Variants in MMP8 observed in about 807,000 individuals in gnomAD.
MMP8 encodes neutrophil collagenase.
MMP8 carries 67 observed loss-of-function variants against 51.2 expected under a neutral mutation model. The ratio of observed to expected loss-of-function variants is 1.31; its 90% confidence interval spans 1.08 to 1.60. The LOEUF (loss-of-function observed/expected upper bound fraction) is 1.60, where lower values mean the gene tolerates loss of function less well. Ranked by LOEUF, MMP8 falls within the 40% of genes most tolerant of loss-of-function variation. MMP8 has a pLI of 0.00. For missense variants in MMP8, 654 were observed against 558.1 expected (o/e 1.17, Z -1.73); for synonymous variants, 225 against 191.0 (o/e 1.18, Z -1.47).
chr11:102,713,540 C>A, intron 9 of MMP8, 83 bp from the exon 10 acceptor site: 1 of 1,204,382 alleles, frequency 8.3e-7, no homozygotes, highest in Non-Finnish European at 1.2e-6. Flanking sequence ...GCCCCTGTTC[C>A]AACATAACAT....
chr11:102,717,692 G>A (rs1861339678), intron 5 of MMP8, among the ~76,000 whole-genome samples: 1 of 152,160 alleles, frequency 6.6e-6, no homozygotes. Flanking sequence ...CAAGACTGCA[G>A]TGAACATCTT....
intron 5 of MMP8, among the ~76,000 whole-genome samples, chr11:102,718,112 C>T (rs896609867): frequency 2.0e-5 from 3 of 148,406 alleles, no homozygotes; most frequent in East Asian, 2.0e-4. Context: ...ATCCCCCCCC[C>T]CAAAAAAAAT....
In MMP8 at chr11:102,714,729, A is replaced by C. The variant is rs758942281; in HGVS notation, c.1037-20T>G. The C allele has an allele frequency of 7.1e-7, 1 of 1,408,980 alleles. No homozygotes were observed. Among genetic ancestry groups the C allele is most frequent in the South Asian group, 1.7e-5 (1 of 59,964 alleles). The allele number at this position is 1,408,980 out of a possible 1,614,324, so 87.3% of individuals were successfully genotyped here. A position where few individuals can be genotyped will look rare whatever the true frequency, so the allele number is the denominator to read the frequency against. ...GGTTGCCTGTCAATGATTCAGGTTA[A>C]GTGTTAAATACGACTTTTCCATTTT... On this transcript the variant is annotated intron_variant, in intron 7 of 9. Transcript: ENST00000236826.
chr11:102,721,035 ACTCAGCTTG>A (rs1157299110), intron 4 of MMP8, among the ~76,000 whole-genome samples: 14 of 152,148 alleles, frequency 9.2e-5, no homozygotes, highest in African/African-American at 3.4e-4. Context: ...TGTTGCAATT[ACTCAGCTTG>A]CCATTGTAGA....
chr11:102,719,788 A>G (rs185017251), intron 4 of MMP8, among the ~76,000 whole-genome samples: 4 of 152,224 alleles, frequency 2.6e-5, no homozygotes, highest in African/African-American at 7.2e-5. Flanking sequence ...TCTCTGCTCT[A>G]CAGGGAGTGC....
intron 4 of MMP8, among the ~76,000 whole-genome samples, chr11:102,719,128 G>C (rs929721394): frequency 1.3e-5 from 2 of 152,210 alleles, no homozygotes; most frequent in African/African-American, 4.8e-5. Flanking sequence ...CTACTGGAGA[G>C]AGACAAATCC....
chr11:102,712,501 C>T lies in MMP8; in HGVS notation c.*847G>A, dbSNP rs1412005101. Reference sequence around the variant, plus strand: ...GTTTTGGAGGATAGAAGTCCGAATTCTGCAGGTGTCAGCAGGGTCACACTT... The same window carrying T: ...GTTTTGGAGGATAGAAGTCCGAATTTTGCAGGTGTCAGCAGGGTCACACTT... On this transcript the variant is annotated 3_prime_UTR_variant, in exon 10 of 10. Transcript: ENST00000236826. The T allele has an allele frequency of 6.6e-6, 1 of 152,224 alleles. No individual in the cohort carries two copies. The highest frequency in any genetic ancestry group is 1.5e-5 in the Non-Finnish European group (1 of 68,058). The allele number at this position is 152,224 out of a possible 1,614,324, so 9.4% of individuals were successfully genotyped here.
At chr11:102,721,149 C>T (rs34433762) in intron 4 of MMP8, among the ~76,000 whole-genome samples, 10,220 of 152,038 alleles carry the variant, frequency 0.067, 540 homozygotes, top group East Asian at 0.24. Context: ...AGGATTTGGC[C>T]GTAGTCTGTA....
rs1939018 is a variant in MMP8, at chr11:102,713,292, T to A, written c.*56A>T. On this transcript the variant is annotated 3_prime_UTR_variant, in exon 10 of 10. Transcript: ENST00000236826. The stretch of plus-strand genomic sequence containing the variant: ...GCAGGACACAATGTAACGAAAATGC[T>A]TGCTGAACTTCCCTTCAACATTCTG... 1,116,126 of 1,215,150 alleles carry A rather than the reference T, an allele frequency of 0.92. 513,053 individuals carry two copies. The highest frequency in any genetic ancestry group is 1 in the East Asian group (42,858 of 42,870). 75.3% of individuals were successfully genotyped at this position (1,215,150 alleles called of 1,614,324 possible). A position where few individuals can be genotyped will look rare whatever the true frequency, so the allele number is the denominator to read the frequency against.
intron 8 of MMP8, among the ~76,000 whole-genome samples, 197 bp downstream of exon 8, chr11:102,714,359 A>G (rs982996146): frequency 1.3e-5 from 2 of 152,182 alleles, no homozygotes; most frequent in Non-Finnish European, 2.9e-5. Context: ...ACTATTGCAT[A>G]GACATTTTAA....
intron 5 of MMP8, among the ~76,000 whole-genome samples, chr11:102,718,198 C>G (rs1861359109): frequency 6.6e-6 from 1 of 152,070 alleles, no homozygotes; most frequent in Non-Finnish European, 1.5e-5. Flanking sequence ...CTGGGAAGCA[C>G]TGTAGTGCAT....
Sources: gnomAD v4.1 joint callset for allele counts (sites outside exome capture counted in the v4.1 genomes callset) on GRCh38, gnomAD v4.1.1 for gene constraint, MANE v1.5 for transcripts, NCBI Gene and HGNC (gene_info 2026-07-23, HGNC 2026-07-21) for gene names.